Variants in GPC6 observed in about 807,000 individuals in gnomAD.
The protein encoded by GPC6 is glypican 6, also known as glypican-6.
GPC6 carries 14 observed loss-of-function variants against 55.2 expected under a neutral mutation model. That is an observed-to-expected ratio of 0.25 (90% confidence interval 0.17 to 0.40). The LOEUF is 0.40. Among genes scored for constraint, GPC6 ranks in the 10% least tolerant of loss-of-function variants. The pLI, the probability that GPC6 is intolerant of heterozygous loss-of-function variation, is 1.00. For synonymous variants in GPC6, 278 were observed against 259.6 expected (o/e 1.07, Z -0.68); for missense variants, 641 against 708.5 (o/e 0.90, Z 1.08).
intron 8 of GPC6, among the ~76,000 whole-genome samples, chr13:94,401,628 A>T (rs7338097): frequency 0.041 from 5,942 of 143,860 alleles, 377 homozygotes; most frequent in African/African-American, 0.14. Context: ...ACTACCCCAC[A>T]CTGCTGGTCT....
intron 4 of GPC6, among the ~76,000 whole-genome samples, chr13:94,277,754 T>G (rs538571415): frequency 6.6e-6 from 1 of 152,332 alleles, no homozygotes; most frequent in South Asian, 2.1e-4. Context: ...TGTGTGGTGT[T>G]ATTTCTGAGG....
At chr13:93,803,046 A>G (rs1482636768) in intron 2 of GPC6, among the ~76,000 whole-genome samples, 2 of 152,194 alleles carry the variant, frequency 1.3e-5, no homozygotes, top group Admixed American at 1.3e-4. Flanking sequence ...TTTTGAGTTT[A>G]GTATTCTTGC....
chr13:94,300,268 A>T (rs143010281), intron 5 of GPC6, among the ~76,000 whole-genome samples: 1 of 152,212 alleles, frequency 6.6e-6, no homozygotes, highest in Non-Finnish European at 1.5e-5. Context: ...AATGAAGAAG[A>T]TAAAGAAGAT....
chr13:93,255,492 T>G (rs1374518457), intron 1 of GPC6, among the ~76,000 whole-genome samples: 1 of 152,216 alleles, frequency 6.6e-6, no homozygotes, highest in Non-Finnish European at 1.5e-5. Context: ...AATATTTCTT[T>G]CTAAAAACAA....
At chr13:93,588,738 G>A (rs774649394) in intron 2 of GPC6, among the ~76,000 whole-genome samples, 8 of 151,992 alleles carry the variant, frequency 5.3e-5, no homozygotes, top group South Asian at 2.1e-4. Flanking sequence ...ACTATCATGC[G>A]GACAGCACCA....
chr13:93,911,017 A>G (rs1275184386), intron 3 of GPC6, among the ~76,000 whole-genome samples: 1 of 152,188 alleles, frequency 6.6e-6, no homozygotes, highest in Non-Finnish European at 1.5e-5. Context: ...ATCAGAATCC[A>G]ATATTGTCTC....
chr13:93,561,670 TAGAA>T (rs1875819314), intron 2 of GPC6, among the ~76,000 whole-genome samples: 1 of 151,946 alleles, frequency 6.6e-6, no homozygotes, highest in Non-Finnish European at 1.5e-5. Flanking sequence ...ATTGATAACT[TAGAA>T]AGACTCTCTA....
chr13:93,821,928 A>G (rs1458743471), intron 2 of GPC6, among the ~76,000 whole-genome samples: 5 of 152,108 alleles, frequency 3.3e-5, no homozygotes, highest in Non-Finnish European at 7.4e-5. Context: ...ATTTAAGCAT[A>G]TTATCTAACA....
chr13:93,457,809 A>T (rs545032228), intron 1 of GPC6, among the ~76,000 whole-genome samples: 17 of 152,016 alleles, frequency 1.1e-4, no homozygotes, highest in African/African-American at 3.9e-4. Flanking sequence ...GTATACCTTC[A>T]TCCATGTATC....
chr13:93,348,761 C>CT (rs1204023131), intron 1 of GPC6, among the ~76,000 whole-genome samples: 1 of 152,100 alleles, frequency 6.6e-6, no homozygotes, highest in Admixed American at 6.6e-5. Flanking sequence ...GTCATACTAA[C>CT]TTTTTTTCTT....
intron 4 of GPC6, among the ~76,000 whole-genome samples, chr13:94,214,396 G>C (rs988703978): frequency 9.2e-5 from 14 of 152,162 alleles, no homozygotes; most frequent in African/African-American, 3.1e-4. Context: ...GCTTGGGTAG[G>C]TAGGGAATTT....
intron 1 of GPC6, among the ~76,000 whole-genome samples, chr13:93,340,403 G>A (rs1880212765): frequency 6.6e-6 from 1 of 152,138 alleles, no homozygotes; most frequent in Admixed American, 6.5e-5. Context: ...CAATATTAGG[G>A]ACAAAGTCCA....
In GPC6 at chr13:93,597,404, A is replaced by T. The variant is rs370156653; in HGVS notation, c.319+51983A>T. Among the ~76,000 whole-genome samples the T allele has an allele frequency of 3.3e-5, 5 of 152,298 alleles. No homozygotes were observed. The South Asian group carries it at 1.0e-3, about 32-fold the overall frequency. On this transcript the variant is annotated intron_variant, in intron 2 of 8. Transcript: ENST00000377047. ...ATTAGCACTGTAAATGTCATAATAC[A>T]TCTCTATTAGATAGGATAGCTGAAA...
intron 1 of GPC6, among the ~76,000 whole-genome samples, chr13:93,296,362 G>A (rs1160174159): frequency 6.6e-6 from 1 of 152,126 alleles, no homozygotes; most frequent in Non-Finnish European, 1.5e-5. Context: ...TATGGCAGTA[G>A]GCTCCTAAAG....
At chr13:93,596,049 T>C (rs547380464) in intron 2 of GPC6, among the ~76,000 whole-genome samples, 1 of 152,314 alleles carries the variant, frequency 6.6e-6, no homozygotes, top group South Asian at 2.1e-4. Context: ...TAATTGAGGC[T>C]GCCAAAAACC....
At chr13:93,628,255 G>A (rs936341460) in intron 2 of GPC6, among the ~76,000 whole-genome samples, 5 of 152,222 alleles carry the variant, frequency 3.3e-5, no homozygotes, top group African/African-American at 1.2e-4. Flanking sequence ...GATGCATTCT[G>A]TGTGGTGGCT....
At chr13:93,731,838 C>G (rs938857492) in intron 2 of GPC6, among the ~76,000 whole-genome samples, 1 of 151,848 alleles carries the variant, frequency 6.6e-6, no homozygotes, top group Non-Finnish European at 1.5e-5. Context: ...TCCTTATTAG[C>G]CTTGAAGATC....
Position 93,468,218 on chromosome 13 carries a change from G to A in GPC6, c.161-77045G>A, listed in dbSNP as rs529540544. Among the ~76,000 whole-genome samples, 3 of 151,220 alleles carry A rather than the reference G, an allele frequency of 2.0e-5. No homozygotes were observed. In the East Asian group the frequency reaches 5.9e-4, roughly 30 times the overall value. ...ATATACACGAATATCTTCAATTACT[G>A]GTCTTGATCTTAATGGCCATTACCC... On this transcript the variant is annotated intron_variant, in intron 1 of 8. Transcript: ENST00000377047.
chr13:93,599,258 A>G (rs1034548448), intron 2 of GPC6, among the ~76,000 whole-genome samples: 3 of 151,264 alleles, frequency 2.0e-5, no homozygotes, highest in South Asian at 2.1e-4. Context: ...TCATTTTGAG[A>G]TATTACTTAG....
Sources: allele counts gnomAD v4.1 joint callset (sites outside exome capture counted in the v4.1 genomes callset), GRCh38; gene constraint gnomAD v4.1.1; transcripts MANE v1.5; gene names NCBI Gene and HGNC (gene_info 2026-07-23, HGNC 2026-07-21).